The following CELF1 variants were observed in gnomAD, a reference collection of about 807,000 sequenced individuals.
The protein encoded by CELF1 is 50 kDa nuclear polyadenylated RNA-binding protein.
CELF1 carries 10 observed loss-of-function variants against 61.8 expected under a neutral mutation model. The observed-to-expected ratio is 0.16, with a 90% CI of 0.10 to 0.27. CELF1 has a LOEUF of 0.27. CELF1 is among the 10% of genes least tolerant of loss of function. The pLI, the probability that CELF1 is intolerant of heterozygous loss-of-function variation, is 1.00. For synonymous variants in CELF1, 236 were observed against 225.1 expected (o/e 1.05, Z -0.43); for missense variants, 380 against 639.1 (o/e 0.59, Z 4.37).
chr11:47,499,457 G>C lies in CELF1; in HGVS notation c.67C>G (p.Pro23Ala), dbSNP rs1412212395. 1 of 1,534,966 alleles carries C rather than the reference G, an allele frequency of 6.5e-7. No individual in the cohort carries two copies. Reference protein sequence around the residue: ...MVDHCSLNSSPVSKKMNGTLD... With the variant: ...MVDHCSLNSSAVSKKMNGTLD... ...TTAGACAACAAAAATACTTACACGGGACTGGAATTCAAAGAGCAATGATCC... is the reference window on the plus strand; with the variant it reads ...TTAGACAACAAAAATACTTACACGGCACTGGAATTCAAAGAGCAATGATCC... Residue 23 changes from proline (P) to alanine (A), a missense_variant, in exon 3 of 15, where the codon CCC (proline) becomes GCC (alanine). By Grantham distance (27) the Pro-to-Ala change is conservative. Coordinates refer to ENST00000687097, the MANE Select transcript of CELF1 (RefSeq NM_001376376.1).
At chr11:47,560,652 G>A (rs1291542886) in intron 2 of CELF1, among the ~76,000 whole-genome samples, 1 of 152,048 alleles carries the variant, frequency 6.6e-6, no homozygotes, top group South Asian at 2.1e-4. Context: ...TTAGATATTG[G>A]TGATAGTTGT....
intron 3 of CELF1, among the ~76,000 whole-genome samples, chr11:47,492,155 T>G (rs1050696908): frequency 3.3e-5 from 5 of 152,004 alleles, no homozygotes; most frequent in Non-Finnish European, 7.4e-5. Flanking sequence ...TTTTTAACAT[T>G]TTTTTGTAGA....
chr11:47,468,843 A>T lies in CELF1; in HGVS notation c.*3387T>A, dbSNP rs1378498625. 6.6e-6 allele frequency: 1 copy of T among 152,600 alleles called. No homozygotes were observed. The highest frequency in any genetic ancestry group is 1.5e-5 in the Non-Finnish European group (1 of 68,036). The allele number at this position is 152,600 out of a possible 1,614,324, so 9.5% of individuals were successfully genotyped here. A position where few individuals can be genotyped will look rare whatever the true frequency, so the allele number is the denominator to read the frequency against. ...GACAGGGATTTGGACGATGTACTTG[A>T]CGCCACATCGACATGCTTTAGGCAC... is the stretch of plus-strand genomic sequence containing the variant. On this transcript the variant is annotated 3_prime_UTR_variant, in exon 15 of 15. Coordinates refer to ENST00000687097, the MANE Select transcript of CELF1 (RefSeq NM_001376376.1).
Position 47,467,067 on chromosome 11 carries a change from G to C in CELF1, c.*5163C>G, listed in dbSNP as rs1446593424. The C allele has an allele frequency of 6.6e-6, 1 of 152,366 alleles. No homozygotes were observed. Among genetic ancestry groups the C allele is most frequent in the African/African-American group, 2.4e-5 (1 of 41,418 alleles). The allele number at this position is 152,366 out of a possible 1,614,324, so 9.4% of individuals were successfully genotyped here. A position where few individuals can be genotyped will look rare whatever the true frequency, so the allele number is the denominator to read the frequency against. On this transcript the variant is annotated 3_prime_UTR_variant, in exon 15 of 15. Coordinates refer to ENST00000687097, the MANE Select transcript of CELF1 (RefSeq NM_001376376.1). ...CCCTTCCTTCATCAACCTTGGTGTG[G>C]AGGATGCTCAATAGCGCTTCCACCT... is the stretch of plus-strand genomic sequence containing the variant.
intron 1 of CELF1, among the ~76,000 whole-genome samples, chr11:47,506,183 T>C (rs896257639): frequency 8.6e-5 from 13 of 150,720 alleles, no homozygotes; most frequent in African/African-American, 3.2e-4. Context: ...TCCCAGCACT[T>C]TGGGAGGCCG....
chr11:47,537,519 T>A (rs1156511576), intron 1 of CELF1, among the ~76,000 whole-genome samples: 1 of 152,126 alleles, frequency 6.6e-6, no homozygotes, highest in Non-Finnish European at 1.5e-5. Context: ...TGTGCTGGGA[T>A]TACAGGCGTG....
chr11:47,484,627 C>G, intron 6 of CELF1, 104 bp from the exon 7 acceptor site: 1 of 866,104 alleles, frequency 1.2e-6, no homozygotes, highest in Non-Finnish European at 1.8e-6. Context: ...GGCTCTGTAC[C>G]ATATTTTACA....
intron 3 of CELF1, among the ~76,000 whole-genome samples, chr11:47,499,006 CACTG>C (rs1376276428): frequency 2.6e-5 from 4 of 152,120 alleles, no homozygotes; most frequent in Non-Finnish European, 5.9e-5. Context: ...ATACTAAACA[CACTG>C]ACTGTAGCTA....
intron 1 of CELF1, among the ~76,000 whole-genome samples, chr11:47,516,213 AAG>A (rs2095544835): frequency 6.6e-6 from 1 of 152,140 alleles, no homozygotes; most frequent in African/African-American, 2.4e-5. Context: ...TAAAAATAAA[AAG>A]AGAGAGAGAA....
upstream of CELF1, among the ~76,000 whole-genome samples, chr11:47,555,211 G>C (rs58932776): frequency 0.014 from 2,064 of 152,264 alleles, 52 homozygotes; most frequent in African/African-American, 0.047. Context: ...CTTGGAACCT[G>C]CCCATGAGCT....
intron 9 of CELF1, among the ~76,000 whole-genome samples, chr11:47,480,225 C>T (rs1161968675): frequency 6.6e-6 from 1 of 151,880 alleles, no homozygotes; most frequent in Admixed American, 6.6e-5. Flanking sequence ...TAGCTGGGAC[C>T]ACAGGTGTGT....
intron 1 of CELF1, among the ~76,000 whole-genome samples, chr11:47,527,097 T>C (rs563333574): frequency 6.7e-6 from 1 of 149,504 alleles, no homozygotes; most frequent in South Asian, 2.1e-4. Context: ...CTAGCTCCTA[T>C]CCATTACTGA....
chr11:47,548,464 G>A (rs1313413389), intron 1 of CELF1, among the ~76,000 whole-genome samples: 3 of 152,056 alleles, frequency 2.0e-5, no homozygotes, highest in East Asian at 1.9e-4. Flanking sequence ...GGACTATATC[G>A]AACATGAAAT....
At chr11:47,555,983 C>T (rs2097204737), upstream of CELF1, among the ~76,000 whole-genome samples, 1 of 128,326 alleles carries the variant, frequency 7.8e-6, no homozygotes, top group Non-Finnish European at 1.6e-5. Context: ...CTGGGCGACA[C>T]AGCAAGACTC....
intron 2 of CELF1, among the ~76,000 whole-genome samples, chr11:47,564,181 A>AAG (rs2097236482): frequency 6.8e-6 from 1 of 148,084 alleles, no homozygotes. Context: ...CAAAAAAAAA[A>AAG]AAAAAAAAAA....
chr11:47,473,221 T>C lies in CELF1; in HGVS notation c.1284A>G (p.Gly428=), dbSNP rs1460262777. The change falls in exon 14 of 15, where the codon GGA becomes GGG. Residue 428 remains glycine (G), a synonymous_variant. Coordinates refer to ENST00000687097, the MANE Select transcript of CELF1 (RefSeq NM_001376376.1). The part of the protein sequence containing the change: ...AAGSQKEGPE[G]ANLFIYHLPQ... ...GCAGGTGGTAGATGAACAGGTTGGC[T>C]CCCTCTGGACCTTCAAAATACCCAG... 1 of 1,613,978 alleles carries C rather than the reference T, an allele frequency of 6.2e-7. No individual in the cohort carries two copies. The highest frequency in any genetic ancestry group is 8.5e-7 in the Non-Finnish European group (1 of 1,179,964).
At chr11:47,515,750 TGAAG>T (rs1435983002) in intron 1 of CELF1, among the ~76,000 whole-genome samples, 1 of 152,152 alleles carries the variant, frequency 6.6e-6, no homozygotes, top group Non-Finnish European at 1.5e-5. Flanking sequence ...ATTTTTCAGA[TGAAG>T]GAACTAAAGG....
intron 9 of CELF1, among the ~76,000 whole-genome samples, chr11:47,482,171 A>T (rs780239595): frequency 1.3e-5 from 2 of 152,080 alleles, no homozygotes; most frequent in Non-Finnish European, 2.9e-5. Context: ...ACTGCACTCT[A>T]GCCTGGGTGA....
upstream of CELF1, among the ~76,000 whole-genome samples, chr11:47,556,432 C>T (rs1254949248): frequency 2.6e-5 from 4 of 152,198 alleles, no homozygotes; most frequent in Admixed American, 2.6e-4. Context: ...CAACCCTCCC[C>T]ACTCGGCCTT....
Sources: gnomAD v4.1 joint callset for allele counts (sites outside exome capture counted in the v4.1 genomes callset) on GRCh38, gnomAD v4.1.1 for gene constraint, MANE v1.5 for transcripts, NCBI Gene and HGNC (gene_info 2026-07-23, HGNC 2026-07-21) for gene names.